The following RAI1 variants were observed in gnomAD, a reference collection of about 807,000 sequenced individuals.
The protein encoded by RAI1 is retinoic acid-induced protein 1.
A neutral mutation model predicts 123.8 loss-of-function variants in RAI1; 9 were observed. That is an observed-to-expected ratio of 0.07 (90% confidence interval 0.04 to 0.13). RAI1 has a LOEUF of 0.13. RAI1 is among the 10% of genes least tolerant of loss of function. The probability of loss-of-function intolerance (pLI) is 1.00; values close to 1 mark genes in which losing one functional copy is unlikely to be tolerated. For missense variants in RAI1, 2,256 were observed against 2,545.8 expected (o/e 0.89, Z 2.45); for synonymous variants, 1,231 against 1,127.3 (o/e 1.09, Z -1.84).
At position 17,793,518 on chromosome 17, in the gene RAI1, G is replaced by T. The variant is rs1258063518; in HGVS notation, c.570G>T (p.Arg190Ser). Residue 190 changes from arginine to serine, a missense_variant, in exon 3 of 6, where the codon AGG becomes AGT. By Grantham distance (110) the Arg-to-Ser change is moderately radical (BLOSUM62 -1). Around this residue, in one of 7 missense-constraint regions of RAI1, gnomAD observed 336 missense variants for 349.8 expected, o/e 0.96. Transcript: ENST00000353383. ...CCCTGGCATACCCCAAGCTCCAAAG[G>T]CAGAAGCTGCAGAACGACATTGCCT... ...QQPLAYPKLQ[R>S]QKLQNDIASP... is the part of the protein sequence containing the mutation. 6.2e-7 allele frequency: 1 copy of T among 1,614,028 alleles called. No homozygotes were observed. Among genetic ancestry groups the T allele is most frequent in the South Asian group, 1.1e-5 (1 of 91,086 alleles).
At chr17:17,789,583 G>A (rs1383792141) in intron 2 of RAI1, among the ~76,000 whole-genome samples, 1 of 152,188 alleles carries the variant, frequency 6.6e-6, no homozygotes, top group East Asian at 1.9e-4. Flanking sequence ...GGGGAATCCT[G>A]ATGCCCTGGG....
intron 4 of RAI1, chr17:17,804,123 C>T (rs1218451870): frequency 3.9e-6 from 2 of 509,632 alleles, no homozygotes; most frequent in East Asian, 3.6e-5. Flanking sequence ...GGAATGCTGT[C>T]TGCGGAGCCA....
rs1389019164 is a variant in RAI1, at chr17:17,798,259, A to T, written c.5311A>T (p.Thr1771Ser). ...CCCGGCCAAGCAGGGCCCACTGCGC[A>T]CCAGTGCCCGGGGCCTGTCCCGGAG... ...ADPAKQGPLR[T>S]SARGLSRRLQ... The change falls in exon 3 of 6, where the codon ACC becomes TCC. Residue 1771 changes from threonine (T) to serine (S), a missense_variant. Around this residue, in one of 7 missense-constraint regions of RAI1, gnomAD observed 243 missense variants for 316.6 expected, o/e 0.77. Transcript: ENST00000353383. The T allele has an allele frequency of 1.9e-6, 3 of 1,604,608 alleles. No individual in the cohort carries two copies. Among genetic ancestry groups the T allele is most frequent in the Non-Finnish European group, 2.6e-6 (3 of 1,175,434 alleles).
At chr17:17,803,964 C>T (rs1458058021) in intron 4 of RAI1, 115 bp downstream of exon 4, 7 of 974,236 alleles carry the variant, frequency 7.2e-6, no homozygotes, top group African/African-American at 6.4e-5. Flanking sequence ...CAGTTTCCCT[C>T]CTCTCTTGCC....
chr17:17,762,519 A>G (rs543200650), intron 2 of RAI1, among the ~76,000 whole-genome samples: 111 of 152,330 alleles, frequency 7.3e-4, no homozygotes, highest in African/African-American at 2.7e-3. Context: ...CCACCAAAGC[A>G]GGAGATCTGG....
At chr17:17,726,641 GTT>G (rs1185882943) in intron 2 of RAI1, among the ~76,000 whole-genome samples, 2 of 152,096 alleles carry the variant, frequency 1.3e-5, no homozygotes, top group African/African-American at 4.8e-5. Flanking sequence ...AAAAGGGAAA[GTT>G]TCTCAATTGG....
intron 2 of RAI1, among the ~76,000 whole-genome samples, chr17:17,772,543 G>A (rs1567890965): frequency 6.6e-6 from 1 of 152,180 alleles, no homozygotes; most frequent in African/African-American, 2.4e-5. Context: ...CACACACCAC[G>A]TGGACCCTGC....
Position 17,684,702 on chromosome 17 carries a change from ATATATG to A in RAI1, c.-149+2913_-149+2918del, listed in dbSNP as rs1439290247. The stretch of plus-strand genomic sequence containing the variant: ...TATATATATATATATATATATATAT[ATATATG>A]TATGTATGTATGTATATTACATATA... On this transcript the variant is annotated intron_variant, in intron 1 of 5. Coordinates refer to ENST00000353383, the MANE Select transcript of RAI1 (RefSeq NM_030665.4). 2.6e-3 allele frequency: 276 copies of A among 105,642 alleles called. 2 individuals are homozygous for A. The highest frequency in any genetic ancestry group is 9.0e-3 in the African/African-American group (209 of 23,232). 6.5% of individuals were successfully genotyped at this position (105,642 alleles called of 1,614,324 possible). A position where few individuals can be genotyped will look rare whatever the true frequency, so the allele number is the denominator to read the frequency against.
intron 2 of RAI1, among the ~76,000 whole-genome samples, chr17:17,772,115 G>A (rs1055848236): frequency 6.6e-6 from 1 of 152,208 alleles, no homozygotes; most frequent in African/African-American, 2.4e-5. Context: ...CTCAAGGGTT[G>A]GCAATATGTA....
chr17:17,797,769 C>T lies in RAI1; in HGVS notation c.4821C>T (p.Phe1607=), dbSNP rs1175110141. The part of the protein sequence containing the change: ...PFVRVEKRDA[F]TTICTVVNSP... ...TGCGGGTGGAGAAGCGAGACGCGTT[C>T]ACCACCATATGCACTGTTGTCAACT... Residue 1607 remains phenylalanine (F), a synonymous_variant, in exon 3 of 6, where the codon TTC becomes TTT. Coordinates refer to ENST00000353383, the MANE Select transcript of RAI1 (RefSeq NM_030665.4). 7.4e-6 allele frequency: 12 copies of T among 1,614,102 alleles called. No homozygotes were observed. Among genetic ancestry groups the T allele is most frequent in the Non-Finnish European group, 1.0e-5 (12 of 1,180,030 alleles).
At chr17:17,772,137 G>T (rs1474882610) in intron 2 of RAI1, among the ~76,000 whole-genome samples, 1 of 152,200 alleles carries the variant, frequency 6.6e-6, no homozygotes, top group Non-Finnish European at 1.5e-5. Flanking sequence ...GGGAGGTTGG[G>T]TGAGGCATCT....
At chr17:17,690,036 T>C (rs1015769935) in intron 1 of RAI1, among the ~76,000 whole-genome samples, 1 of 152,138 alleles carries the variant, frequency 6.6e-6, no homozygotes, top group Non-Finnish European at 1.5e-5. Flanking sequence ...TGAGGCCTTA[T>C]TGACCTGGGA....
intron 1 of RAI1, among the ~76,000 whole-genome samples, chr17:17,698,025 T>C (rs1915094173): frequency 6.6e-6 from 1 of 152,178 alleles, no homozygotes; most frequent in Non-Finnish European, 1.5e-5. Context: ...TGACAACACC[T>C]GACTGTCTTC....
chr17:17,744,236 C>T lies in RAI1; in HGVS notation c.-17+20077C>T, dbSNP rs1000845658. Among the ~76,000 whole-genome samples, 15 of 152,068 alleles carry T rather than the reference C, an allele frequency of 9.9e-5. No individual in the cohort carries two copies. The South Asian group carries it at 2.3e-3, about 23-fold the overall frequency. On this transcript the variant is annotated intron_variant, in intron 2 of 5. Transcript: ENST00000353383. ...GGAGGCCAGGGGGTAGCATGGGGTT[C>T]GGGTTCCCCTAGGGTTCAAACACCA...
intron 2 of RAI1, among the ~76,000 whole-genome samples, chr17:17,729,124 C>G (rs1442571453): frequency 6.6e-6 from 1 of 152,222 alleles, no homozygotes; most frequent in Non-Finnish European, 1.5e-5. Flanking sequence ...CTCCCCAACA[C>G]TGGCTCATGG....
chr17:17,725,565 G>A (rs1175898464), intron 2 of RAI1, among the ~76,000 whole-genome samples: 1 of 152,162 alleles, frequency 6.6e-6, no homozygotes, highest in Non-Finnish European at 1.5e-5. Flanking sequence ...GAGGCTTCCC[G>A]GCACGCAGAA....
chr17:17,777,685 A>G (rs1415060237), intron 2 of RAI1: 3 of 152,216 alleles, frequency 2.0e-5, no homozygotes, highest in Non-Finnish European at 2.9e-5. Context: ...GGGAAGAGCA[A>G]TGTGGGGAAT....
intron 2 of RAI1, among the ~76,000 whole-genome samples, chr17:17,762,192 G>A (rs1827818750): frequency 6.6e-6 from 1 of 152,166 alleles, no homozygotes; most frequent in South Asian, 2.1e-4. Context: ...ATTTTGGAGA[G>A]TGGTAAGAGC....
chr17:17,711,116 G>T (rs1915552781), intron 1 of RAI1, among the ~76,000 whole-genome samples: 1 of 152,238 alleles, frequency 6.6e-6, no homozygotes, highest in African/African-American at 2.4e-5. Flanking sequence ...ACCTCTCCAG[G>T]GTAGGGAGGC....
Sources: allele counts gnomAD v4.1 joint callset (sites outside exome capture counted in the v4.1 genomes callset), GRCh38; gene constraint gnomAD v4.1.1; regional missense constraint gnomAD v4.1.1; transcripts MANE v1.5; gene names NCBI Gene and HGNC (gene_info 2026-07-23, HGNC 2026-07-21).